Variants in MARCHF7 observed in about 807,000 individuals in gnomAD.
The protein encoded by MARCHF7 is membrane associated ring-CH-type finger 7, also known as E3 ubiquitin-protein ligase MARCHF7.
MARCHF7 carries 20 observed loss-of-function variants against 76.5 expected under a neutral mutation model. The ratio of observed to expected loss-of-function variants is 0.26; its 90% CI spans 0.18 to 0.38. The LOEUF is 0.38. Ranked by LOEUF, MARCHF7 falls within the 10% of genes least tolerant of loss-of-function variation. The pLI, the probability that MARCHF7 is intolerant of heterozygous loss-of-function variation, is 1.00. For synonymous variants in MARCHF7, 295 were observed against 293.0 expected (o/e 1.01, Z -0.07); for missense variants, 797 against 812.9 (o/e 0.98, Z 0.24).
chr2:159,760,708 C>CTTT (rs34933843), intron 9 of MARCHF7, among the ~76,000 whole-genome samples: 2 of 147,408 alleles, frequency 1.4e-5, no homozygotes, highest in African/African-American at 5.0e-5. Context: ...CAGTTTTTTC[C>CTTT]TTTTTTGTTT....
intron 4 of MARCHF7, among the ~76,000 whole-genome samples, chr2:159,738,826 T>A (rs1703776573): frequency 6.6e-6 from 1 of 152,178 alleles, no homozygotes; most frequent in Non-Finnish European, 1.5e-5. Context: ...AGGTAGGGTT[T>A]CACTAGGGAC....
At chr2:159,718,040 G>C (rs545704991) in intron 3 of MARCHF7, among the ~76,000 whole-genome samples, 6 of 152,310 alleles carry the variant, frequency 3.9e-5, no homozygotes, top group Non-Finnish European at 8.8e-5. Context: ...TGATGGTATT[G>C]GTTAATAATA....
At chr2:159,748,953 A>G in intron 7 of MARCHF7, 50 bp downstream of exon 7, 1 of 1,347,666 alleles carries the variant, frequency 7.4e-7, no homozygotes, top group Non-Finnish European at 9.8e-7. Context: ...TAGAGAAAGA[A>G]CTCTTCATTT....
Position 159,762,870 on chromosome 2 carries a change from C to T in MARCHF7, c.1894-10C>T. On this transcript the variant is annotated splice_polypyrimidine_tract_variant and intron_variant, in intron 9 of 11. Transcript: ENST00000409175. ...ATTTTTCTTTTCTCCTGTTTGCTTC[C>T]CTGTTGAAGGCTGAGTATGAGTTTA... 2.6e-6 allele frequency: 4 copies of T among 1,565,460 alleles called. No individual in the cohort carries two copies. Among genetic ancestry groups the T allele is most frequent in the South Asian group, 1.2e-5 (1 of 86,050 alleles).
chr2:159,717,530 TACTC>T (rs1307741810), intron 3 of MARCHF7, among the ~76,000 whole-genome samples: 2 of 152,188 alleles, frequency 1.3e-5, no homozygotes, highest in Admixed American at 6.5e-5. Context: ...CTTTAAGTCA[TACTC>T]AGGTAATCTG....
chr2:159,739,245 CTG>C (rs1057144089), intron 4 of MARCHF7, among the ~76,000 whole-genome samples: 6 of 152,360 alleles, frequency 3.9e-5, no homozygotes, highest in African/African-American at 4.8e-5. Context: ...GTTGCTGACT[CTG>C]TGGAGCGCAC....
chr2:159,739,874 T>G (rs1157474360), intron 4 of MARCHF7, among the ~76,000 whole-genome samples: 5 of 152,206 alleles, frequency 3.3e-5, no homozygotes. Context: ...ATAATCTACA[T>G]GTTGTGTCGT....
At chr2:159,760,332 C>G (rs761450707) in intron 9 of MARCHF7, among the ~76,000 whole-genome samples, 1 of 152,094 alleles carries the variant, frequency 6.6e-6, no homozygotes, top group Non-Finnish European at 1.5e-5. Flanking sequence ...CTAAGGGATT[C>G]CCAGATCCTT....
chr2:159,738,016 A>G (rs2357528), intron 4 of MARCHF7, among the ~76,000 whole-genome samples: 4,796 of 152,244 alleles, frequency 0.032, 116 homozygotes, highest in East Asian at 0.13. Context: ...GACTCGTGCT[A>G]TCAGCTCGGA....
At chr2:159,756,466 C>T (rs1454438234) in intron 8 of MARCHF7, among the ~76,000 whole-genome samples, 1 of 151,970 alleles carries the variant, frequency 6.6e-6, no homozygotes, top group Non-Finnish European at 1.5e-5. Flanking sequence ...GCAGGTGGAG[C>T]ACCTGAGGTC....
intron 4 of MARCHF7, among the ~76,000 whole-genome samples, chr2:159,739,580 A>G (rs1020207797): frequency 6.6e-6 from 1 of 152,308 alleles, no homozygotes; most frequent in East Asian, 1.9e-4. Context: ...CATTTGGCCT[A>G]TAGTTCTGGA....
chr2:159,766,026 G>T (rs527428562), intron 11 of MARCHF7, among the ~76,000 whole-genome samples: 4 of 151,938 alleles, frequency 2.6e-5, no homozygotes, highest in Non-Finnish European at 5.9e-5. Flanking sequence ...TTAAAATTTA[G>T]TTTCTTAAAC....
In MARCHF7 at chr2:159,733,549, T is replaced by TAAA. The variant is rs11432807; in HGVS notation, c.153+4388_153+4390dup. The TAAA allele has an allele frequency of 5.0e-4, 470 of 944,570 alleles. 2 individuals carry two copies. In the African/African-American group the frequency reaches 5.2e-3, roughly 10 times the overall value. The allele number at this position is 944,570 out of a possible 1,614,324, so 58.5% of individuals were successfully genotyped here. On this transcript the variant is annotated intron_variant, in intron 4 of 11. Transcript: ENST00000409175. ...TACTGCACCTGGCCAGAGGCAACAT[T>TAAA]AAAAAAAAAAAAAAAAGATTGTTGA...
chr2:159,757,725 T>C (rs917820122), intron 8 of MARCHF7, among the ~76,000 whole-genome samples: 1 of 152,170 alleles, frequency 6.6e-6, no homozygotes, highest in Non-Finnish European at 1.5e-5. Flanking sequence ...TCTTACTCCA[T>C]AGAGGAAGAA....
chr2:159,762,836 A>T, intron 9 of MARCHF7, 44 bp from the exon 10 acceptor site: 1 of 1,191,250 alleles, frequency 8.4e-7, no homozygotes, highest in Non-Finnish European at 1.2e-6. Context: ...CTAATTTTTC[A>T]TTCTCTGTAT....
intron 8 of MARCHF7, among the ~76,000 whole-genome samples, chr2:159,757,178 G>A (rs555246384): frequency 6.6e-6 from 1 of 152,148 alleles, no homozygotes; most frequent in African/African-American, 2.4e-5. Context: ...GATTACAGGC[G>A]TGAGCCACCA....
chr2:159,751,817 G>A (rs890305745), intron 7 of MARCHF7, among the ~76,000 whole-genome samples: 19 of 152,176 alleles, frequency 1.2e-4, no homozygotes, highest in Admixed American at 3.9e-4. Context: ...CTGCGCCGAG[G>A]GGGCAGATGG....
In MARCHF7 at chr2:159,748,269, C is replaced by G. The variant is rs746320353; in HGVS notation, c.979C>G (p.Arg327Gly). 6.2e-7 allele frequency: 1 copy of G among 1,613,684 alleles called. No homozygotes were observed. Among genetic ancestry groups the G allele is most frequent in the South Asian group, 1.1e-5 (1 of 91,052 alleles). ...SPRILTASQS[R>G]SNVPSASEVP... The stretch of plus-strand genomic sequence containing the variant: ...AAGAATCTTGACAGCTTCACAGTCC[C>G]GTAGTAATGTACCATCAGCTTCTGA... The change falls in exon 7 of 12, where the codon CGT becomes GGT. Residue 327 changes from arginine (R) to glycine (G), a missense_variant. By Grantham distance (125) the Arg-to-Gly change is moderately radical (BLOSUM62 -2). Around this residue, in one of 3 missense-constraint regions of MARCHF7, gnomAD observed 643 missense variants for 631.5 expected, o/e 1.02. Transcript: ENST00000409175.
At chr2:159,761,732 G>A (rs1204534490) in intron 9 of MARCHF7, among the ~76,000 whole-genome samples, 1 of 152,100 alleles carries the variant, frequency 6.6e-6, no homozygotes, top group Admixed American at 6.5e-5. Context: ...TGAATACTCA[G>A]TAGACTCTGA....
Sources: allele counts gnomAD v4.1 joint callset (sites outside exome capture counted in the v4.1 genomes callset), GRCh38; gene constraint gnomAD v4.1.1; regional missense constraint gnomAD v4.1.1; transcripts MANE v1.5; gene names NCBI Gene and HGNC (gene_info 2026-07-23, HGNC 2026-07-21).